The following PTK2 variants were observed in gnomAD, a reference collection of about 807,000 sequenced individuals.
PTK2 encodes the protein focal adhesion kinase 1.
PTK2 carries 45 observed loss-of-function variants against 150.1 expected under a neutral mutation model. That is an observed-to-expected ratio of 0.30 (90% CI 0.24 to 0.38). PTK2 has a LOEUF of 0.38. Ranked by LOEUF, PTK2 falls within the 10% of genes least tolerant of loss-of-function variation. The pLI is 1.00. For missense variants in PTK2, 919 were observed against 1,307.3 expected, an observed-to-expected ratio of 0.70 and a Z score of 4.58; for synonymous variants, 432 against 449.2, an observed-to-expected ratio of 0.96 and a Z score of 0.48.
intron 10 of PTK2, among the ~76,000 whole-genome samples, chr8:140,813,167 A>C (rs1235371670): frequency 1.3e-5 from 2 of 152,226 alleles, no homozygotes; most frequent in Non-Finnish European, 2.9e-5. Flanking sequence ...AAGAACTGAA[A>C]TCATAATAAC....
At position 140,918,384 on chromosome 8, in the gene PTK2, T is replaced by C. The variant is rs143223061; in HGVS notation, c.-33+7277A>G. On this transcript the variant is annotated intron_variant, in intron 2 of 31. Transcript: ENST00000522684. ...TAATGTAAAAACTGGTATAATCAAA[T>C]AACTTCCCAAACAGGGCTTTCTGCA... Among the ~76,000 whole-genome samples the C allele has an allele frequency of 2.0e-3, 301 of 152,288 alleles. 1 individual carries two copies. The highest frequency in any genetic ancestry group is 6.8e-3 in the African/African-American group (282 of 41,566).
chr8:140,721,286 C>A (rs1263432176), intron 22 of PTK2, among the ~76,000 whole-genome samples: 1 of 152,158 alleles, frequency 6.6e-6, no homozygotes, highest in Non-Finnish European at 1.5e-5. Flanking sequence ...GTTAGCAATA[C>A]AACTACTAAG....
intron 22 of PTK2, among the ~76,000 whole-genome samples, chr8:140,728,670 C>A (rs941328941): frequency 2.6e-5 from 4 of 152,146 alleles, no homozygotes; most frequent in Non-Finnish European, 5.9e-5. Flanking sequence ...CAGGCATCTG[C>A]CACCACGCCC....
Position 140,879,676 on chromosome 8 carries a change from GAAAAAAAAAA to G in PTK2, c.196-49_196-40del. The G allele has an allele frequency of 2.5e-3, 87 of 34,586 alleles. 2 individuals carry two copies. Among genetic ancestry groups the G allele is most frequent in the Non-Finnish European group, 2.6e-3 (61 of 23,048 alleles). 2.1% of individuals were successfully genotyped at this position (34,586 alleles called of 1,614,324 possible). A position where few individuals can be genotyped will look rare whatever the true frequency, so the allele number is the denominator to read the frequency against. On this transcript the variant is annotated intron_variant, in intron 3 of 31. Coordinates refer to ENST00000522684, the Ensembl canonical transcript of PTK2. The stretch of plus-strand genomic sequence containing the variant: ...CCCACAAGAATGACTGTTATAAACT[GAAAAAAAAAA>G]AAAAAAAAAAAAAAACCAAAACAAA...
chr8:140,761,727 TTA>T (rs1381013167), intron 15 of PTK2, among the ~76,000 whole-genome samples: 1 of 152,086 alleles, frequency 6.6e-6, no homozygotes, highest in Non-Finnish European at 1.5e-5. Context: ...TAAGTAAACT[TTA>T]TGTTTTGAAA....
At chr8:140,957,445 A>G (rs913697246) in intron 1 of PTK2, among the ~76,000 whole-genome samples, 1 of 152,222 alleles carries the variant, frequency 6.6e-6, no homozygotes, top group African/African-American at 2.4e-5. Flanking sequence ...AACATTTAAA[A>G]GTTTATAAAG....
intron 1 of PTK2, among the ~76,000 whole-genome samples, chr8:140,952,819 C>G (rs2100179955): frequency 6.6e-6 from 1 of 152,176 alleles, no homozygotes; most frequent in African/African-American, 2.4e-5. Context: ...CTCAATTGTA[C>G]GATTTCTAAA....
At chr8:140,868,737 A>C (rs949016052) in intron 4 of PTK2, among the ~76,000 whole-genome samples, 1 of 152,186 alleles carries the variant, frequency 6.6e-6, no homozygotes, top group Admixed American at 6.6e-5. Context: ...ACACAATACA[A>C]ATAACCAGTG....
At chr8:140,890,575 T>C in exon 3 of PTK2, 11 of 1,614,152 alleles carry the variant, frequency 6.8e-6, no homozygotes, top group Non-Finnish European at 9.3e-6. Flanking sequence ...TGCCTGATAA[T>C]ACTGGCCCAG....
intron 1 of PTK2, among the ~76,000 whole-genome samples, chr8:140,997,836 G>C (rs938092556): frequency 6.6e-6 from 1 of 152,234 alleles, no homozygotes; most frequent in Non-Finnish European, 1.5e-5. Context: ...CTACTCAGGA[G>C]GCTGAGGTGG....
chr8:140,681,092 C>T (rs1266170466), intron 27 of PTK2, among the ~76,000 whole-genome samples: 12 of 152,150 alleles, frequency 7.9e-5, no homozygotes, highest in African/African-American at 1.2e-4. Flanking sequence ...CAGCTGGGCG[C>T]GGTTGCTCAC....
chr8:140,890,436 G>A, intron 3 of PTK2, 107 bp downstream of exon 3: 1 of 899,598 alleles, frequency 1.1e-6, no homozygotes, highest in Non-Finnish European at 1.6e-6. Context: ...AATATGAAAA[G>A]TCCCCGATAA....
intron 16 of PTK2, among the ~76,000 whole-genome samples, chr8:140,759,060 A>G (rs1239321722): frequency 6.6e-6 from 1 of 152,204 alleles, no homozygotes; most frequent in Non-Finnish European, 1.5e-5. Context: ...AGACCATCTA[A>G]GTTTGCGTAA....
intron 11 of PTK2, 140 bp from the exon 12 acceptor site, chr8:140,800,716 G>C (rs1282881742): frequency 9.3e-6 from 6 of 647,872 alleles, no homozygotes; most frequent in Non-Finnish European, 1.6e-5. Flanking sequence ...CATGAGATTT[G>C]AGAAAGGAAA....
intron 10 of PTK2, among the ~76,000 whole-genome samples, 195 bp downstream of exon 10, chr8:140,818,062 TGTATGATTCCTTTCCTTCCA>T (rs1479795948): frequency 6.6e-6 from 1 of 152,220 alleles, no homozygotes; most frequent in African/African-American, 2.4e-5. Context: ...ATGTTAGGTT[TGTATGATTCCTTTCCTTCCA>T]AAACTAAGTA....
At chr8:140,770,136 C>T (rs532842908) in intron 14 of PTK2, among the ~76,000 whole-genome samples, 1 of 152,314 alleles carries the variant, frequency 6.6e-6, no homozygotes, top group African/African-American at 2.4e-5. Context: ...ACTTGAAGCT[C>T]TGCTGACAAC....
chr8:140,699,670 T>C (rs2100029043), intron 26 of PTK2, among the ~76,000 whole-genome samples: 1 of 151,926 alleles, frequency 6.6e-6, no homozygotes, highest in Non-Finnish European at 1.5e-5. Context: ...GAAGCAGGAG[T>C]TGTTTCTGGG....
At chr8:140,846,005 A>T (rs2100125193) in intron 7 of PTK2, among the ~76,000 whole-genome samples, 1 of 152,010 alleles carries the variant, frequency 6.6e-6, no homozygotes, top group Non-Finnish European at 1.5e-5. Flanking sequence ...ATTAGAAAAA[A>T]ATATCATCTT....
chr8:140,988,890 C>T (rs971480623), intron 1 of PTK2, among the ~76,000 whole-genome samples: 4 of 152,048 alleles, frequency 2.6e-5, no homozygotes, highest in African/African-American at 9.7e-5. Context: ...TAATCCCTTC[C>T]TTATACTATA....
Sources: gnomAD v4.1 joint callset for allele counts (sites outside exome capture counted in the v4.1 genomes callset) on GRCh38, gnomAD v4.1.1 for gene constraint, MANE v1.5 for transcripts, NCBI Gene and HGNC (gene_info 2026-07-23, HGNC 2026-07-21) for gene names.